LHFPL3: variants seen among roughly 807,000 people sequenced by gnomAD.
The protein encoded by LHFPL3 is LHFPL tetraspan subfamily member 3 protein.
In LHFPL3, 5 loss-of-function variants were observed where a neutral mutation model predicts 19.3. The ratio of observed to expected loss-of-function variants is 0.26; its 90% CI spans 0.14 to 0.54. LHFPL3 has a LOEUF of 0.54. Ranked by LOEUF, LHFPL3 falls within the 20% of genes least tolerant of loss-of-function variation. The probability of loss-of-function intolerance (pLI) is 0.94; values close to 1 mark genes in which losing one functional copy is unlikely to be tolerated. For synonymous variants in LHFPL3, 133 were observed against 126.2 expected, an observed-to-expected ratio of 1.05 and a Z score of -0.36; for missense variants, 249 against 307.4, an observed-to-expected ratio of 0.81 and a Z score of 1.42.
At chr7:104,848,032 C>A (rs1297143073) in intron 2 of LHFPL3, among the ~76,000 whole-genome samples, 1 of 152,192 alleles carries the variant, frequency 6.6e-6, no homozygotes, top group Non-Finnish European at 1.5e-5. Flanking sequence ...TGGATCATTT[C>A]TTGTGTACTT....
At chr7:104,597,274 T>C (rs1790882678) in intron 1 of LHFPL3, among the ~76,000 whole-genome samples, 1 of 152,248 alleles carries the variant, frequency 6.6e-6, no homozygotes, top group Non-Finnish European at 1.5e-5. Context: ...CTCATTTCAG[T>C]CATTCTTTTT....
At chr7:104,412,724 T>G (rs1215730174) in intron 1 of LHFPL3, among the ~76,000 whole-genome samples, 1 of 152,152 alleles carries the variant, frequency 6.6e-6, no homozygotes, top group Non-Finnish European at 1.5e-5. Flanking sequence ...AGAATCTCCA[T>G]TTTATACTAG....
chr7:104,697,969 C>T (rs1408963457), intron 1 of LHFPL3, among the ~76,000 whole-genome samples: 1 of 152,164 alleles, frequency 6.6e-6, no homozygotes, highest in Non-Finnish European at 1.5e-5. Context: ...TTACGGATTT[C>T]TTATTCCCAG....
At chr7:104,478,377 A>C (rs1219541643) in intron 1 of LHFPL3, among the ~76,000 whole-genome samples, 2 of 151,920 alleles carry the variant, frequency 1.3e-5, no homozygotes, top group Non-Finnish European at 2.9e-5. Flanking sequence ...AAGGCCATGG[A>C]CTTTGGGGGC....
At chr7:104,877,900 C>T (rs1159826872) in intron 2 of LHFPL3, among the ~76,000 whole-genome samples, 2 of 151,462 alleles carry the variant, frequency 1.3e-5, no homozygotes, top group South Asian at 2.1e-4. Context: ...GTGGTGCAAT[C>T]TCAGCTCACT....
At chr7:104,670,174 TG>T in intron 1 of LHFPL3, among the ~76,000 whole-genome samples, 1 of 150,960 alleles carries the variant, frequency 6.6e-6, no homozygotes, top group East Asian at 2.0e-4. Context: ...GGGGGTTAGT[TG>T]GGAGTGAGAC....
chr7:104,402,101 A>C (rs74989125), intron 1 of LHFPL3, among the ~76,000 whole-genome samples: 1 of 151,620 alleles, frequency 6.6e-6, no homozygotes, highest in Non-Finnish European at 1.5e-5. Context: ...AAAAAAAAAA[A>C]CAAAAAACAA....
chr7:104,734,181 C>G (rs1793757639), intron 1 of LHFPL3, among the ~76,000 whole-genome samples: 1 of 152,158 alleles, frequency 6.6e-6, no homozygotes, highest in African/African-American at 2.4e-5. Flanking sequence ...TTTGGTGACT[C>G]TGACAATTAT....
intron 2 of LHFPL3, among the ~76,000 whole-genome samples, chr7:104,828,392 G>A (rs761542756): frequency 6.6e-6 from 1 of 151,954 alleles, no homozygotes; most frequent in Non-Finnish European, 1.5e-5. Flanking sequence ...AGCCTCACAG[G>A]ATGGAAAGGA....
In LHFPL3 at chr7:104,522,336, A is replaced by G. The variant is rs972122253; in HGVS notation, c.445+193112A>G. 5.1e-4 allele frequency among the ~76,000 whole-genome samples: 71 copies of G among 140,454 alleles called. 1 individual carries two copies. Among genetic ancestry groups the G allele is most frequent in the African/African-American group, 1.8e-3 (67 of 37,442 alleles). 92.1% of individuals were successfully genotyped at this position (140,454 alleles called of 152,430 possible). A position where few individuals can be genotyped will look rare whatever the true frequency, so the allele number is the denominator to read the frequency against. ...CTCACTCATAGGTGGGAATTGAACA[A>G]TGAGAACACATGGACATAGGAAGGG... is the stretch of plus-strand genomic sequence containing the variant. On this transcript the variant is annotated intron_variant, in intron 1 of 2. Coordinates refer to ENST00000424859, the MANE Select transcript of LHFPL3 (RefSeq NM_199000.3).
At chr7:104,668,591 T>C in intron 1 of LHFPL3, 2 of 1,612,754 alleles carry the variant, frequency 1.2e-6, no homozygotes, top group Non-Finnish European at 1.7e-6. Flanking sequence ...GCAGTGGGTA[T>C]CGCAGGGATG....
intron 2 of LHFPL3, chr7:104,744,100 C>T (rs146762426): frequency 6.6e-6 from 1 of 151,908 alleles, no homozygotes; most frequent in Admixed American, 6.6e-5. Flanking sequence ...GATCCACTTG[C>T]CTCAGCCTTC....
intron 1 of LHFPL3, among the ~76,000 whole-genome samples, chr7:104,569,668 T>C (rs1018890283): frequency 6.6e-6 from 1 of 152,244 alleles, no homozygotes; most frequent in Non-Finnish European, 1.5e-5. Flanking sequence ...TGATGGCTAA[T>C]ATTTTTATAT....
intron 1 of LHFPL3, among the ~76,000 whole-genome samples, chr7:104,422,362 A>AAACAACAACAAC (rs139661329): frequency 0.023 from 3,548 of 151,678 alleles, 52 homozygotes; most frequent in Middle Eastern, 0.041. Context: ...CTCTGTCTCA[A>AAACAACAACAAC]AACAACAACA....
At chr7:104,506,018 A>AT (rs35956092) in intron 1 of LHFPL3, among the ~76,000 whole-genome samples, 18,818 of 145,850 alleles carry the variant, frequency 0.13, 1,239 homozygotes, top group African/African-American at 0.16. Context: ...ATGAAAACTG[A>AT]TTTTTTTTTT....
chr7:104,773,812 G>C (rs1794599512), intron 2 of LHFPL3, among the ~76,000 whole-genome samples: 1 of 152,154 alleles, frequency 6.6e-6, no homozygotes, highest in Non-Finnish European at 1.5e-5. Flanking sequence ...CCAGAAGGTA[G>C]GGGAGAGGCC....
At chr7:104,848,385 C>T (rs1791352622) in intron 2 of LHFPL3, among the ~76,000 whole-genome samples, 1 of 152,110 alleles carries the variant, frequency 6.6e-6, no homozygotes, top group Admixed American at 6.6e-5. Context: ...AAATGGCATT[C>T]TTGGGCAGCC....
chr7:104,420,826 T>C (rs1036124422), intron 1 of LHFPL3, among the ~76,000 whole-genome samples: 2 of 152,130 alleles, frequency 1.3e-5, no homozygotes, highest in Non-Finnish European at 2.9e-5. Flanking sequence ...CCTCCCAAAG[T>C]GCTGGGATTA....
intron 1 of LHFPL3, among the ~76,000 whole-genome samples, chr7:104,451,418 G>T (rs1242483658): frequency 6.6e-6 from 1 of 152,158 alleles, no homozygotes; most frequent in East Asian, 1.9e-4. Context: ...TGTGATATTG[G>T]GGAAGGAGGA....
Sources: allele counts gnomAD v4.1 joint callset (sites outside exome capture counted in the v4.1 genomes callset), GRCh38; gene constraint gnomAD v4.1.1; transcripts MANE v1.5; gene names NCBI Gene and HGNC (gene_info 2026-07-23, HGNC 2026-07-21).